Variants in TMEM108 observed in about 807,000 individuals in gnomAD.
The protein encoded by TMEM108 is transmembrane protein 108, also known as cancer/testis antigen 124.
Under a neutral mutation model 35.1 loss-of-function variants are expected in TMEM108, and 12 were observed. The observed-to-expected ratio is 0.34, with a 90% CI of 0.22 to 0.55. The LOEUF is 0.55. Among genes scored for constraint, TMEM108 ranks in the 20% least tolerant of loss-of-function variants. TMEM108 has a pLI of 0.89. For synonymous variants in TMEM108, 287 were observed against 308.6 expected, an observed-to-expected ratio of 0.93 and a Z score of 0.73; for missense variants, 680 against 753.3, an observed-to-expected ratio of 0.90 and a Z score of 1.14.
At position 133,299,264 on chromosome 3, in the gene TMEM108, G is replaced by A. The variant is rs1313565821; in HGVS notation, c.40+69913G>A. On this transcript the variant is annotated intron_variant, in intron 3 of 5. Transcript: ENST00000321871. ...AACTGTTTTTATTTATTTCAGTAGG[G>A]AAATAAAAACAGAATAGCTCTTTAG... Among the ~76,000 whole-genome samples the A allele has an allele frequency of 1.3e-5, 2 of 152,160 alleles. 1 individual carries two copies.
intron 3 of TMEM108, among the ~76,000 whole-genome samples, chr3:133,232,036 A>G (rs975763601): frequency 1.3e-5 from 2 of 152,142 alleles, no homozygotes; most frequent in Non-Finnish European, 2.9e-5. Context: ...ACACACAGGA[A>G]AAATCAGCAG....
intron 2 of TMEM108, among the ~76,000 whole-genome samples, chr3:133,222,907 A>G (rs1210201915): frequency 2.0e-5 from 3 of 151,828 alleles, no homozygotes; most frequent in African/African-American, 7.3e-5. Context: ...TACAGCTTGA[A>G]CTTCCCAGAC....
intron 3 of TMEM108, among the ~76,000 whole-genome samples, chr3:133,296,177 T>A (rs150197585): frequency 0.017 from 2,567 of 152,312 alleles, 70 homozygotes; most frequent in African/African-American, 0.057. Flanking sequence ...CTCTTAGTCA[T>A]GTTTAAGTTT....
intron 2 of TMEM108, among the ~76,000 whole-genome samples, chr3:133,196,605 A>G (rs983562660): frequency 6.6e-6 from 1 of 152,336 alleles, no homozygotes. Context: ...AATGCAGTGC[A>G]TCAGGTAGGG....
intron 3 of TMEM108, among the ~76,000 whole-genome samples, chr3:133,292,407 T>A (rs895640220): frequency 1.3e-5 from 2 of 152,246 alleles, no homozygotes; most frequent in African/African-American, 4.8e-5. Context: ...CAGTCCTCAT[T>A]AGGCCCATTG....
chr3:133,204,056 T>G (rs1341973538), intron 2 of TMEM108, among the ~76,000 whole-genome samples: 2 of 152,176 alleles, frequency 1.3e-5, no homozygotes, highest in Non-Finnish European at 2.9e-5. Flanking sequence ...TATCCATTCC[T>G]TCTAGATTTT....
At chr3:133,190,317 G>A (rs950858542) in intron 2 of TMEM108, among the ~76,000 whole-genome samples, 2 of 152,112 alleles carry the variant, frequency 1.3e-5, no homozygotes, top group African/African-American at 4.8e-5. Context: ...TATATCAGGG[G>A]AAGAAACAAT....
intron 2 of TMEM108, among the ~76,000 whole-genome samples, chr3:133,170,795 T>A (rs1385500471): frequency 6.6e-6 from 1 of 152,192 alleles, no homozygotes; most frequent in Non-Finnish European, 1.5e-5. Context: ...TAGGAATAGA[T>A]GCCTTCAAAA....
intron 2 of TMEM108, among the ~76,000 whole-genome samples, chr3:133,087,588 G>A (rs1324322135): frequency 6.6e-6 from 1 of 152,136 alleles, no homozygotes; most frequent in African/African-American, 2.4e-5. Context: ...TTGCTGTTTG[G>A]GAACAGATAA....
intron 2 of TMEM108, among the ~76,000 whole-genome samples, chr3:133,064,371 C>A (rs755294570): frequency 2.0e-4 from 30 of 152,130 alleles, no homozygotes; most frequent in Non-Finnish European, 4.1e-4. Flanking sequence ...CTTAATAAAT[C>A]CTTACTGTCT....
chr3:133,168,998 AC>A (rs1347566373), intron 2 of TMEM108, among the ~76,000 whole-genome samples: 1 of 152,188 alleles, frequency 6.6e-6, no homozygotes, highest in African/African-American at 2.4e-5. Context: ...AACACTGGAC[AC>A]ATCCGAACAT....
At chr3:133,372,152 A>T (rs2072695286) in intron 3 of TMEM108, among the ~76,000 whole-genome samples, 1 of 152,132 alleles carries the variant, frequency 6.6e-6, no homozygotes, top group African/African-American at 2.4e-5. Flanking sequence ...TTGGGGAAAG[A>T]TTTGTTTTTT....
intron 2 of TMEM108, among the ~76,000 whole-genome samples, chr3:133,054,166 C>A (rs929570978): frequency 6.6e-6 from 1 of 152,054 alleles, no homozygotes; most frequent in Admixed American, 6.5e-5. Flanking sequence ...CTCTTGGAAT[C>A]AATATAAATA....
At chr3:133,218,003 CT>C (rs1945934039) in intron 2 of TMEM108, among the ~76,000 whole-genome samples, 1 of 151,928 alleles carries the variant, frequency 6.6e-6, no homozygotes, top group Non-Finnish European at 1.5e-5. Context: ...CTGTATATTT[CT>C]TTAGTTAGTA....
At chr3:133,389,916 T>TTGATGA (rs33928925) in intron 4 of TMEM108, among the ~76,000 whole-genome samples, 17 of 151,212 alleles carry the variant, frequency 1.1e-4, no homozygotes, top group East Asian at 7.8e-4. Flanking sequence ...ACAGGATTTT[T>TTGATGA]TGATGATGAT....
intron 2 of TMEM108, among the ~76,000 whole-genome samples, chr3:133,131,074 T>C (rs1322304727): frequency 1.3e-5 from 2 of 152,208 alleles, no homozygotes; most frequent in African/African-American, 4.8e-5. Context: ...AGGTTTCTGC[T>C]TTTCTACCTT....
intron 2 of TMEM108, among the ~76,000 whole-genome samples, chr3:133,176,759 G>T (rs1945237187): frequency 6.6e-6 from 1 of 152,156 alleles, no homozygotes; most frequent in African/African-American, 2.4e-5. Flanking sequence ...AAAAGAACTA[G>T]AGAAGCAAGA....
chr3:133,265,163 G>A (rs1294394951), intron 3 of TMEM108, among the ~76,000 whole-genome samples: 2 of 152,328 alleles, frequency 1.3e-5, no homozygotes, highest in African/African-American at 4.8e-5. Context: ...GATCCGATTA[G>A]CATAGATCTG....
chr3:133,346,370 A>G lies in TMEM108; in HGVS notation c.41-33382A>G, dbSNP rs182409188. Reference sequence around the variant, plus strand: ...ATTTTAGCCATTCTAATAGGTGTGTAGTGGTATCCCATTGTTGTTTTAATT... The same window carrying G: ...ATTTTAGCCATTCTAATAGGTGTGTGGTGGTATCCCATTGTTGTTTTAATT... On this transcript the variant is annotated intron_variant, in intron 3 of 5. Coordinates refer to ENST00000321871, the MANE Select transcript of TMEM108 (RefSeq NM_023943.4). The surrounding 1 kb of genome is among the most constrained non-coding windows in gnomAD (Gnocchi z 4.0). Among the ~76,000 whole-genome samples, 350 of 152,050 alleles carry G rather than the reference A, an allele frequency of 2.3e-3. 2 individuals are homozygous for G. The highest frequency in any genetic ancestry group is 8.2e-3 in the African/African-American group (341 of 41,532).
Sources: allele counts gnomAD v4.1 joint callset (sites outside exome capture counted in the v4.1 genomes callset), GRCh38; gene constraint gnomAD v4.1.1; non-coding constraint Gnocchi (gnomAD v3.1); transcripts MANE v1.5; gene names NCBI Gene and HGNC (gene_info 2026-07-23, HGNC 2026-07-21).